The following DYM variants were observed in gnomAD, a reference collection of about 807,000 sequenced individuals.
DYM encodes the protein dymeclin, also known as dyggve-Melchior-Clausen syndrome protein.
DYM carries 78 observed loss-of-function variants against 93.1 expected under a neutral mutation model. The observed-to-expected ratio is 0.84, with a 90% CI of 0.70 to 1.01. The LOEUF (loss-of-function observed/expected upper bound fraction) is 1.01, where lower values mean the gene tolerates loss of function less well. Among genes scored for constraint, DYM ranks in the 50% least tolerant of loss-of-function variants. DYM has a pLI of 0.00. For synonymous variants in DYM, 321 were observed against 319.7 expected (o/e 1.00, Z -0.04); for missense variants, 789 against 845.0 (o/e 0.93, Z 0.82).
chr18:49,441,268 A>ATATATAATT (rs1278924653), intron 1 of DYM, among the ~76,000 whole-genome samples: 3 of 33,884 alleles, frequency 8.9e-5, no homozygotes, highest in East Asian at 2.7e-3. Context: ...ATAATTATAT[A>ATATATAATT]ATATATATTA....
At chr18:49,163,370 G>A (rs1317003882) in intron 15 of DYM, among the ~76,000 whole-genome samples, 1 of 152,078 alleles carries the variant, frequency 6.6e-6, no homozygotes, top group African/African-American at 2.4e-5. Context: ...TTGAGATGCA[G>A]AGTCTTACTG....
intron 9 of DYM, among the ~76,000 whole-genome samples, chr18:49,285,267 T>A (rs574525982): frequency 6.6e-6 from 1 of 152,214 alleles, no homozygotes; most frequent in Non-Finnish European, 1.5e-5. Flanking sequence ...AATGGGCACA[T>A]TTAGCCACGT....
At chr18:49,277,758 G>A (rs555489121) in intron 10 of DYM, among the ~76,000 whole-genome samples, 27 of 152,292 alleles carry the variant, frequency 1.8e-4, no homozygotes, top group Admixed American at 3.9e-4. Context: ...ACAGAACTAC[G>A]AGAAATAACT....
At chr18:49,344,960 G>A (rs1002741164) in intron 6 of DYM, among the ~76,000 whole-genome samples, 6 of 152,170 alleles carry the variant, frequency 3.9e-5, no homozygotes, top group African/African-American at 1.2e-4. Flanking sequence ...TATAAAGGTA[G>A]GACCAAGAGT....
chr18:49,303,892 CCTAA>C (rs1269992458), intron 8 of DYM, among the ~76,000 whole-genome samples: 2 of 152,266 alleles, frequency 1.3e-5, no homozygotes, highest in South Asian at 2.1e-4. Context: ...TACAGGACAT[CCTAA>C]CTAAGTCTCC....
At chr18:49,379,024 A>T (rs1431614265) in intron 4 of DYM, among the ~76,000 whole-genome samples, 2 of 152,278 alleles carry the variant, frequency 1.3e-5, no homozygotes, top group African/African-American at 4.8e-5. Context: ...CTACCAAAAA[A>T]TTTAAAAAAT....
intron 15 of DYM, among the ~76,000 whole-genome samples, chr18:49,128,513 T>A (rs1431897422): frequency 6.6e-6 from 1 of 152,192 alleles, no homozygotes; most frequent in Non-Finnish European, 1.5e-5. Flanking sequence ...CCTTGTCTCA[T>A]CCCAAATCTG....
intron 17 of DYM, among the ~76,000 whole-genome samples, chr18:49,076,824 T>C (rs2077348514): frequency 6.6e-6 from 1 of 152,232 alleles, no homozygotes; most frequent in African/African-American, 2.4e-5. Context: ...GTTACAAGAC[T>C]AGTTCTGGGC....
intron 8 of DYM, among the ~76,000 whole-genome samples, chr18:49,304,134 G>C (rs910163319): frequency 2.0e-5 from 3 of 151,828 alleles, no homozygotes; most frequent in African/African-American, 4.9e-5. Flanking sequence ...GGTCAAAGAT[G>C]GTTTTAGGTT....
At chr18:49,326,257 A>G (rs2062868380) in intron 8 of DYM, among the ~76,000 whole-genome samples, 1 of 152,220 alleles carries the variant, frequency 6.6e-6, no homozygotes, top group Non-Finnish European at 1.5e-5. Context: ...TTAGTAAAGT[A>G]ATATATCAAT....
intron 15 of DYM, among the ~76,000 whole-genome samples, chr18:49,139,546 ATGAC>A (rs2084226146): frequency 6.6e-6 from 1 of 152,204 alleles, no homozygotes; most frequent in Non-Finnish European, 1.5e-5. Flanking sequence ...TCTAAAATAA[ATGAC>A]TGAAAGAAAC....
At chr18:49,241,642 T>G (rs1369003933) in intron 13 of DYM, among the ~76,000 whole-genome samples, 1 of 152,140 alleles carries the variant, frequency 6.6e-6, no homozygotes, top group African/African-American at 2.4e-5. Flanking sequence ...TGGATATTCA[T>G]AAAAATGTAC....
At chr18:49,057,397 C>T (rs1054049626) in intron 17 of DYM, among the ~76,000 whole-genome samples, 2 of 152,194 alleles carry the variant, frequency 1.3e-5, no homozygotes, top group Non-Finnish European at 2.9e-5. Context: ...CAGGCAGGGC[C>T]ACAGACGAGC....
chr18:49,220,781 T>A (rs1182147299), intron 13 of DYM, among the ~76,000 whole-genome samples: 6 of 152,064 alleles, frequency 3.9e-5, no homozygotes, highest in Non-Finnish European at 7.4e-5. Context: ...CTTAAACGTT[T>A]GACCTAAAAC....
chr18:49,229,300 T>C (rs1161235880), intron 13 of DYM, among the ~76,000 whole-genome samples: 2 of 152,084 alleles, frequency 1.3e-5, no homozygotes, highest in Non-Finnish European at 2.9e-5. Flanking sequence ...ATGGGAATTA[T>C]AGATTATTTG....
At chr18:49,097,138 A>G (rs2079615034) in intron 17 of DYM, 2 of 525,810 alleles carry the variant, frequency 3.8e-6, no homozygotes, top group Non-Finnish European at 6.9e-6. Context: ...AATTTGTTTC[A>G]CTGGGTTAAA....
intron 2 of DYM, among the ~76,000 whole-genome samples, chr18:49,405,010 C>CT (rs1475445568): frequency 1.0e-5 from 1 of 97,332 alleles, no homozygotes; most frequent in Non-Finnish European, 2.3e-5. Context: ...GAGACTCCAT[C>CT]TCAAAAAAAA....
intron 11 of DYM, among the ~76,000 whole-genome samples, chr18:49,265,157 TA>T (rs569033052): frequency 6.6e-6 from 1 of 151,830 alleles, no homozygotes; most frequent in Admixed American, 6.6e-5. Flanking sequence ...TAACATGTGG[TA>T]AAAAAAATGC....
rs187699879 is a variant in DYM, at chr18:49,353,097, T to C, written c.494+10064A>G. Among the ~76,000 whole-genome samples the C allele has an allele frequency of 3.9e-5, 6 of 152,236 alleles. No individual in the cohort carries two copies. The East Asian group carries it at 1.2e-3, about 29-fold the overall frequency. On this transcript the variant is annotated intron_variant, in intron 6 of 17. Coordinates refer to ENST00000675505, the MANE Select transcript of DYM (RefSeq NM_001353214.3). Reference sequence around the variant, plus strand: ...AGTAGTTTCATTAGCCGATTTAAAGTAAATTCTCAAAACAATAAATATACT... The same window carrying C: ...AGTAGTTTCATTAGCCGATTTAAAGCAAATTCTCAAAACAATAAATATACT...
Sources: allele counts gnomAD v4.1 joint callset (sites outside exome capture counted in the v4.1 genomes callset), GRCh38; gene constraint gnomAD v4.1.1; transcripts MANE v1.5; gene names NCBI Gene and HGNC (gene_info 2026-07-23, HGNC 2026-07-21).